The following SGSM1 variants were observed in gnomAD, a reference collection of about 807,000 sequenced individuals.
The protein encoded by SGSM1 is small G protein signaling modulator 1.
In SGSM1, 73 loss-of-function variants were observed where a neutral mutation model predicts 133.8. The observed-to-expected ratio is 0.55, with a 90% CI of 0.45 to 0.66. SGSM1 has a LOEUF of 0.66. Ranked by LOEUF, SGSM1 falls within the 30% of genes least tolerant of loss-of-function variation. The pLI, the probability that SGSM1 is intolerant of heterozygous loss-of-function variation, is 0.00. For missense variants in SGSM1, 1,213 were observed against 1,448.1 expected (o/e 0.84, Z 2.64); for synonymous variants, 563 against 573.0 (o/e 0.98, Z 0.25).
At position 24,847,740 on chromosome 22, in the gene SGSM1, G is replaced by T. The variant is rs772018663; in HGVS notation, c.246G>T (p.Pro82=). Residue 82 remains proline (P), a synonymous_variant, in exon 4 of 25, where the codon CCG becomes CCT. Transcript: ENST00000400358. ...TTATGAAAGTGGGCAAGAACTTCCC[G>T]CCGGCTGAGGATCTGAGCCGCAAGG... The part of the protein sequence containing the change: ...ALFMKVGKNF[P]PAEDLSRKVQ... The T allele has an allele frequency of 1.9e-6, 3 of 1,613,838 alleles. No individual in the cohort carries two copies. Among genetic ancestry groups the T allele is most frequent in the South Asian group, 1.1e-5 (1 of 91,048 alleles).
At position 24,868,838 on chromosome 22, in the gene SGSM1, G is replaced by A. The variant is rs1384346562; in HGVS notation, c.1274G>A (p.Gly425Asp). The change falls in exon 12 of 25, where the codon GGC becomes GAC. Residue 425 changes from glycine (G) to aspartate (D), a missense_variant. By Grantham distance (94) the Gly-to-Asp change is moderately conservative. Coordinates refer to ENST00000400358, the MANE Select transcript of SGSM1 (RefSeq NM_001098497.3). ...TDYVFRIIYP[G>D]MQSEFVPQDL... ...TATGTGTTCAGGATCATCTACCCTGGCATGCAGTCGGAATTCGGTGAGCTG... is the reference window on the plus strand; with the variant it reads ...TATGTGTTCAGGATCATCTACCCTGACATGCAGTCGGAATTCGGTGAGCTG... 1 of 1,613,848 alleles carries A rather than the reference G, an allele frequency of 6.2e-7. No homozygotes were observed. The highest frequency in any genetic ancestry group is 8.5e-7 in the Non-Finnish European group (1 of 1,179,862).
At chr22:24,873,648 C>T (rs12169810) in intron 12 of SGSM1, among the ~76,000 whole-genome samples, 16,433 of 152,068 alleles carry the variant, frequency 0.11, 996 homozygotes, top group South Asian at 0.25. Context: ...CCCAGGAATT[C>T]GAGATCAGCC....
intron 14 of SGSM1, 22 bp from the exon 15 acceptor site, chr22:24,884,031 C>A (rs1305071803): frequency 1.9e-6 from 3 of 1,582,178 alleles, no homozygotes; most frequent in South Asian, 1.1e-5. Flanking sequence ...GATGATGACA[C>A]TTTCCCTCCC....
At chr22:24,811,458 G>A (rs1046079823) in intron 2 of SGSM1, among the ~76,000 whole-genome samples, 1 of 152,154 alleles carries the variant, frequency 6.6e-6, no homozygotes, top group African/African-American at 2.4e-5. Context: ...GGCAGGGAAC[G>A]AAGTCTTGGC....
rs760691824 is a variant in SGSM1 at position 24,868,526 on chromosome 22, C to T, written c.1145C>T (p.Ser382Phe). 2.5e-5 allele frequency: 41 copies of T among 1,613,762 alleles called. No homozygotes were observed. Among genetic ancestry groups the T allele is most frequent in the Non-Finnish European group, 3.0e-5 (35 of 1,179,872 alleles). The change falls in exon 11 of 25, where the codon TCC becomes TTC. Residue 382 changes from serine to phenylalanine, a missense_variant. Ser to Phe is a radical substitution (Grantham distance 155). Transcript: ENST00000400358. ...GGGCAGTTGGACCCGCCACTGTGGT[C>T]CCAGAGGGGTAAGGTGAGTGATCAT... ...PHGQLDPPLW[S>F]QRGKGKVFPK... is the part of the protein sequence containing the mutation.
At chr22:24,831,645 C>T (rs964758450) in intron 2 of SGSM1, among the ~76,000 whole-genome samples, 3 of 152,146 alleles carry the variant, frequency 2.0e-5, no homozygotes, top group East Asian at 1.9e-4. Context: ...TTCCCATGGC[C>T]CCTGTACCCC....
chr22:24,871,361 C>T (rs1281676737), intron 12 of SGSM1, among the ~76,000 whole-genome samples: 1 of 152,158 alleles, frequency 6.6e-6, no homozygotes, highest in Non-Finnish European at 1.5e-5. Context: ...ACAGCAGTCC[C>T]CACCAGCAGC....
rs1328756488 is a variant in SGSM1 at position 24,924,607 on chromosome 22, C to A, written c.*333C>A. On this transcript the variant is annotated 3_prime_UTR_variant, in exon 25 of 25. Coordinates refer to ENST00000400358, the MANE Select transcript of SGSM1 (RefSeq NM_001098497.3). The stretch of plus-strand genomic sequence containing the variant: ...TGGTCTCCTCTTCTTCTTTCCCTAT[C>A]CCTCCAAACTGTCTTGTAAGATGAG... The A allele has an allele frequency of 2.9e-6, 1 of 349,358 alleles. No homozygotes were observed. The highest frequency in any genetic ancestry group is 5.4e-6 in the Non-Finnish European group (1 of 185,726). 21.6% of individuals were successfully genotyped at this position (349,358 alleles called of 1,614,324 possible). A position where few individuals can be genotyped will look rare whatever the true frequency, so the allele number is the denominator to read the frequency against.
intron 16 of SGSM1, among the ~76,000 whole-genome samples, chr22:24,888,522 C>A (rs1195300076): frequency 6.6e-6 from 1 of 152,122 alleles, no homozygotes; most frequent in Non-Finnish European, 1.5e-5. Flanking sequence ...AATCCCAGCA[C>A]TTTGGGAGGC....
intron 24 of SGSM1, among the ~76,000 whole-genome samples, chr22:24,923,830 C>T (rs1934096710): frequency 6.6e-6 from 1 of 152,162 alleles, no homozygotes; most frequent in African/African-American, 2.4e-5. Flanking sequence ...CCATGTTAGT[C>T]AGGCTGGTCT....
At chr22:24,899,389 T>C (rs1933039768) in intron 19 of SGSM1, among the ~76,000 whole-genome samples, 1 of 152,158 alleles carries the variant, frequency 6.6e-6, no homozygotes. Context: ...GTCATTATCA[T>C]TCACAATCTT....
chr22:24,900,363 C>A (rs1933095192), intron 19 of SGSM1, among the ~76,000 whole-genome samples: 1 of 89,958 alleles, frequency 1.1e-5, no homozygotes, highest in Non-Finnish European at 2.2e-5. Context: ...TTCTTTCTTT[C>A]TTTCTTTCTT....
intron 21 of SGSM1, among the ~76,000 whole-genome samples, chr22:24,912,001 G>A (rs1179947532): frequency 6.6e-6 from 1 of 151,080 alleles, no homozygotes; most frequent in Non-Finnish European, 1.5e-5. Flanking sequence ...CTTGCAGTGA[G>A]CCAAGATTGC....
chr22:24,858,260 G>A (rs974296688), intron 8 of SGSM1, among the ~76,000 whole-genome samples: 3 of 152,160 alleles, frequency 2.0e-5, no homozygotes, highest in African/African-American at 4.8e-5. Flanking sequence ...GATTGTAGGC[G>A]TGAGCCACTG....
At chr22:24,876,986 T>A (rs1303303747) in intron 13 of SGSM1, among the ~76,000 whole-genome samples, 1 of 152,224 alleles carries the variant, frequency 6.6e-6, no homozygotes, top group African/African-American at 2.4e-5. Flanking sequence ...TGTGTTTCTA[T>A]CATGGGTCAG....
rs141226379 is a variant in SGSM1, at chr22:24,917,266, C to T, written c.2929-392C>T. ...ATGATGTATTTAAGTTTTTGAGGAA[C>T]TACCACACTGTTTTCCACAGCACAC... is the stretch of plus-strand genomic sequence containing the variant. On this transcript the variant is annotated intron_variant, in intron 22 of 24. Transcript: ENST00000400358. 1.1e-4 allele frequency among the ~76,000 whole-genome samples: 16 copies of T among 152,216 alleles called. No individual in the cohort carries two copies. In the East Asian group the frequency reaches 2.1e-3, roughly 20 times the overall value.
chr22:24,852,344 A>T (rs1218524796), intron 5 of SGSM1, among the ~76,000 whole-genome samples: 2 of 152,198 alleles, frequency 1.3e-5, no homozygotes, highest in Non-Finnish European at 2.9e-5. Context: ...CACCATCAGG[A>T]TACAGAATTA....
At position 24,917,699 on chromosome 22, in the gene SGSM1, G is replaced by C; in HGVS notation, c.2970G>C (p.Gly990=). The change falls in exon 23 of 25, where the codon GGG becomes GGC. Residue 990 remains glycine, a synonymous_variant. Transcript: ENST00000400358. ...SELFELMHQN[G]DYTHFYFCYR... is the part of the protein sequence containing the mutation. Reference sequence around the variant, plus strand: ...TGTTTGAGCTGATGCATCAGAACGGGGACTATACTCACTTCTACTTCTGCT... The same window carrying C: ...TGTTTGAGCTGATGCATCAGAACGGCGACTATACTCACTTCTACTTCTGCT... 1 of 1,613,996 alleles carries C rather than the reference G, an allele frequency of 6.2e-7. No homozygotes were observed.
intron 22 of SGSM1, among the ~76,000 whole-genome samples, chr22:24,917,205 A>G (rs952256593): frequency 3.3e-5 from 5 of 151,966 alleles, no homozygotes; most frequent in Non-Finnish European, 5.9e-5. Context: ...CTTCTTGGGT[A>G]TATACCTAAG....
Sources: allele counts gnomAD v4.1 joint callset (sites outside exome capture counted in the v4.1 genomes callset), GRCh38; gene constraint gnomAD v4.1.1; transcripts MANE v1.5; gene names NCBI Gene and HGNC (gene_info 2026-07-23, HGNC 2026-07-21).